ZIM2: variants seen among roughly 807,000 people sequenced by gnomAD.
ZIM2 encodes zinc finger imprinted 2.
A neutral mutation model predicts 38.6 loss-of-function variants in ZIM2; 14 were observed. That is an observed-to-expected ratio of 0.36 (90% CI 0.24 to 0.57). The LOEUF (loss-of-function observed/expected upper bound fraction) is 0.57, where lower values mean the gene tolerates loss of function less well. Ranked by LOEUF, ZIM2 falls within the 20% of genes least tolerant of loss-of-function variation. The pLI is 0.81. For synonymous variants in ZIM2, 247 were observed against 245.8 expected (o/e 1.00, Z -0.04); for missense variants, 680 against 695.1 (o/e 0.98, Z 0.24).
chr19:56,795,579 A>T (rs910921109), intron 9 of ZIM2, among the ~76,000 whole-genome samples: 2 of 152,324 alleles, frequency 1.3e-5, no homozygotes, highest in East Asian at 3.9e-4. Context: ...GGGCTGAGGA[A>T]CCACAGCCGC....
rs922139740 is a variant in ZIM2, at chr19:56,836,195, T to C, written c.-313-91A>G. 3 of 391,388 alleles carry C rather than the reference T, an allele frequency of 7.7e-6. No homozygotes were observed. In the Admixed American group the frequency reaches 8.5e-5, roughly 11 times the overall value. The allele number at this position is 391,388 out of a possible 1,614,324, so 24.2% of individuals were successfully genotyped here. A position where few individuals can be genotyped will look rare whatever the true frequency, so the allele number is the denominator to read the frequency against. ...AACAATACCACAACAGTTCCACATT[T>C]ATCTTCTATGATGGCACAGGTCAAA... On this transcript the variant is annotated intron_variant, in intron 1 of 12. Transcript: ENST00000629319.
rs764248127 is a variant in ZIM2 at position 56,775,156 on chromosome 19, G to A, written c.1209C>T (p.Asn403=). 6.2e-7 allele frequency: 1 copy of A among 1,614,132 alleles called. No homozygotes were observed. Among genetic ancestry groups the A allele is most frequent in the Non-Finnish European group, 8.5e-7 (1 of 1,180,018 alleles). ...TACCAGAATGGGTCTTCTGATGTCT[G>A]TTGAGGTGTGGCATGAGATAGAAGG... ...AEAFYLMPHL[N]RHQKTHSGRK... Residue 403 remains asparagine (N), a synonymous_variant, in exon 13 of 13, where the codon AAC becomes AAT. Coordinates refer to ENST00000629319, the MANE Select transcript of ZIM2 (RefSeq NM_001387356.1).
At chr19:56,779,336 G>A (rs753465227) in intron 12 of ZIM2, 41 bp downstream of exon 12, 1 of 1,603,024 alleles carries the variant, frequency 6.2e-7, no homozygotes, top group Admixed American at 1.7e-5. Flanking sequence ...GCATTTACTG[G>A]TTCCCCCTCC....
At chr19:56,801,734 G>T (rs2047534650) in intron 9 of ZIM2, among the ~76,000 whole-genome samples, 1 of 152,182 alleles carries the variant, frequency 6.6e-6, no homozygotes, top group African/African-American at 2.4e-5. Flanking sequence ...GTAGCTCTCA[G>T]AGCACAGCAG....
chr19:56,813,108 G>T, intron 9 of ZIM2: 2 of 983,796 alleles, frequency 2.0e-6, no homozygotes, highest in Non-Finnish European at 2.4e-6. Flanking sequence ...TACTCAAAAA[G>T]ATATTGACAG....
intron 8 of ZIM2, among the ~76,000 whole-genome samples, chr19:56,818,240 C>T (rs1012977356): frequency 3.3e-5 from 5 of 152,168 alleles, no homozygotes; most frequent in African/African-American, 1.2e-4. Context: ...CTGCCCACTA[C>T]CAACTTGGGC....
intron 5 of ZIM2, 94 bp downstream of exon 5, chr19:56,823,496 G>T: frequency 6.9e-7 from 1 of 1,445,414 alleles, no homozygotes; most frequent in Non-Finnish European, 9.7e-7. Flanking sequence ...GGGGATGGCG[G>T]GTCATCTTCA....
chr19:56,815,497 G>A (rs2059898183), intron 9 of ZIM2: 3 of 1,614,040 alleles, frequency 1.9e-6, no homozygotes, highest in African/African-American at 1.3e-5. Context: ...AGTGAGGTCA[G>A]AGCTATGAGC....
At chr19:56,840,049 C>G (rs777081591) in intron 1 of ZIM2, among the ~76,000 whole-genome samples, 1 of 152,234 alleles carries the variant, frequency 6.6e-6, no homozygotes, top group Non-Finnish European at 1.5e-5. Context: ...AGAGGGTAGC[C>G]GGGCACGCCG....
chr19:56,793,221 A>G (rs901779910), intron 9 of ZIM2: 4 of 152,676 alleles, frequency 2.6e-5, no homozygotes, highest in Non-Finnish European at 5.9e-5. Context: ...GATGAGGCCC[A>G]TTCACTGACA....
chr19:56,796,621 C>T (rs1323683631), intron 9 of ZIM2, among the ~76,000 whole-genome samples: 1 of 152,168 alleles, frequency 6.6e-6, no homozygotes, highest in Non-Finnish European at 1.5e-5. Flanking sequence ...CACCCATGGA[C>T]AACTGGGGTG....
intron 2 of ZIM2, among the ~76,000 whole-genome samples, chr19:56,828,226 C>T (rs1178916891): frequency 6.6e-6 from 1 of 152,156 alleles, no homozygotes; most frequent in Non-Finnish European, 1.5e-5. Context: ...CATACCCTAA[C>T]CTGGCCATTA....
chr19:56,805,051 C>A (rs1250461066), intron 9 of ZIM2, among the ~76,000 whole-genome samples: 1 of 152,194 alleles, frequency 6.6e-6, no homozygotes, highest in Non-Finnish European at 1.5e-5. Flanking sequence ...CCTTCCTTTG[C>A]AGAACCATCC....
Position 56,817,842 on chromosome 19 carries a change from G to C in ZIM2, c.398-4C>G. ...TCGTCTTCAGCAAGCTGCACTCCTG[G>C]TCACAAGGACAATATGATGCCTCAA... is the stretch of plus-strand genomic sequence containing the variant. On this transcript the variant is annotated splice_region_variant and splice_polypyrimidine_tract_variant and intron_variant, in intron 8 of 12. Coordinates refer to ENST00000629319, the MANE Select transcript of ZIM2 (RefSeq NM_001387356.1). The C allele has an allele frequency of 2.5e-6, 4 of 1,612,258 alleles. No individual in the cohort carries two copies. Among genetic ancestry groups the C allele is most frequent in the Non-Finnish European group, 3.4e-6 (4 of 1,178,616 alleles).
chr19:56,824,481 C>T, intron 3 of ZIM2, 54 bp from the exon 4 acceptor site: 1 of 1,614,048 alleles, frequency 6.2e-7, no homozygotes, highest in Non-Finnish European at 8.5e-7. Flanking sequence ...TTCCGAGGCC[C>T]AACAAATTCC....
chr19:56,814,258 G>A lies in ZIM2; in HGVS notation c.490+3488C>T. 6.2e-7 allele frequency: 1 copy of A among 1,613,598 alleles called. No homozygotes were observed. The highest frequency in any genetic ancestry group is 8.5e-7 in the Non-Finnish European group (1 of 1,180,022). ...CTCGGCAGCCTCCACTTCTGGCTCA[G>A]CAGCCTCTACGTTTAAGCCCTGAAT... On this transcript the variant is annotated intron_variant, in intron 9 of 12. Coordinates refer to ENST00000629319, the MANE Select transcript of ZIM2 (RefSeq NM_001387356.1). This position sits in a 1 kb window ranked among gnomAD's most constrained non-coding sequence, Gnocchi z 5.8.
In ZIM2 at chr19:56,818,587, A is replaced by G; in HGVS notation, c.397+13T>C. 2 of 1,613,988 alleles carry G rather than the reference A, an allele frequency of 1.2e-6. No homozygotes were observed. Among genetic ancestry groups the G allele is most frequent in the East Asian group, 2.2e-5 (1 of 44,888 alleles). The stretch of plus-strand genomic sequence containing the variant: ...GACTGGACTGGGAGTGACTGAGAGA[A>G]GCAGCTGCTTACCGAGGGAGAGCAG... On this transcript the variant is annotated intron_variant, in intron 8 of 12. Transcript: ENST00000629319.
In ZIM2 at chr19:56,789,915, C is replaced by T; in HGVS notation, c.527G>A (p.Arg176Lys). 3 of 1,581,742 alleles carry T rather than the reference C, an allele frequency of 1.9e-6. No homozygotes were observed. In the South Asian group the frequency reaches 3.5e-5, roughly 18 times the overall value. ...CAGATTGTCTAACATCTCTGTGTTC[C>T]TCTTTTCTGCAGGGACAGAGTCCTG... ...LAQDSVPAEKRNTEMLDNLPS... is the reference protein window; with the variant it reads ...LAQDSVPAEKKNTEMLDNLPS... Residue 176 changes from arginine (R) to lysine (K), a missense_variant, in exon 10 of 13, where the codon AGG (arginine) becomes AAG (lysine). By Grantham distance (26) the Arg-to-Lys change is conservative. Coordinates refer to ENST00000629319, the MANE Select transcript of ZIM2 (RefSeq NM_001387356.1).
intron 1 of ZIM2, among the ~76,000 whole-genome samples, chr19:56,839,940 T>C (rs2062790994): frequency 6.6e-6 from 1 of 152,216 alleles, no homozygotes; most frequent in African/African-American, 2.4e-5. Context: ...GCCGCCCTTA[T>C]TTAAGATACC....
Sources: allele counts gnomAD v4.1 joint callset (sites outside exome capture counted in the v4.1 genomes callset), GRCh38; gene constraint gnomAD v4.1.1; non-coding constraint Gnocchi (gnomAD v3.1); transcripts MANE v1.5; gene names NCBI Gene and HGNC (gene_info 2026-07-23, HGNC 2026-07-21).